Variants in TRAPPC10 observed in about 807,000 individuals in gnomAD.
TRAPPC10 encodes the protein trafficking protein particle complex subunit 10.
TRAPPC10 carries 23 observed loss-of-function variants against 125.5 expected under a neutral mutation model. That is an observed-to-expected ratio of 0.18 (90% CI 0.13 to 0.26). TRAPPC10 has a LOEUF of 0.26. TRAPPC10 is among the 10% of genes least tolerant of loss of function. TRAPPC10 has a pLI of 1.00. For synonymous variants in TRAPPC10, 509 were observed against 518.0 expected, an observed-to-expected ratio of 0.98 and a Z score of 0.24; for missense variants, 1,123 against 1,308.4, an observed-to-expected ratio of 0.86 and a Z score of 2.19.
intron 3 of TRAPPC10, among the ~76,000 whole-genome samples, chr21:44,042,332 A>G (rs140741622): frequency 2.0e-3 from 306 of 151,944 alleles, no homozygotes; most frequent in Admixed American, 4.2e-3. Flanking sequence ...CCATTGTTTT[A>G]TCATTATTTT....
intron 14 of TRAPPC10, 87 bp downstream of exon 14, chr21:44,083,389 T>C: frequency 7.0e-7 from 1 of 1,429,688 alleles, no homozygotes; most frequent in Non-Finnish European, 9.4e-7. Context: ...GTGCTGTGAA[T>C]TGAGTAGAGT....
At chr21:44,022,549 G>T (rs2032639627) in intron 1 of TRAPPC10, among the ~76,000 whole-genome samples, 1 of 147,112 alleles carries the variant, frequency 6.8e-6, no homozygotes, top group Non-Finnish European at 1.5e-5. Flanking sequence ...CCCGACCTCA[G>T]GTGATCCGCC....
intron 1 of TRAPPC10, among the ~76,000 whole-genome samples, chr21:44,023,837 G>A (rs2032803504): frequency 6.6e-6 from 1 of 152,170 alleles, no homozygotes; most frequent in African/African-American, 2.4e-5. Flanking sequence ...GTAGTGCAAT[G>A]GCACGATCTC....
chr21:44,041,185 C>T lies in TRAPPC10; in HGVS notation c.285+3258C>T, dbSNP rs564326691. Reference sequence around the variant, plus strand: ...TCTGAAGTCATTTATGTAGCACTGGCGCTACCTGGTCTCTAAGGTTTGGTG... The same window carrying T: ...TCTGAAGTCATTTATGTAGCACTGGTGCTACCTGGTCTCTAAGGTTTGGTG... On this transcript the variant is annotated intron_variant, in intron 3 of 22. Transcript: ENST00000291574. Among the ~76,000 whole-genome samples, 8 of 152,218 alleles carry T rather than the reference C, an allele frequency of 5.3e-5. No homozygotes were observed. In the East Asian group the frequency reaches 7.7e-4, roughly 15 times the overall value.
At position 44,020,372 on chromosome 21, in the gene TRAPPC10, C is replaced by T. The variant is rs146403078; in HGVS notation, c.67+7812C>T. The stretch of plus-strand genomic sequence containing the variant: ...CGATCTCCTGACCTTGTGATCTGCC[C>T]GCCTCGGCCTCTCAAAGTGCTGGAT... On this transcript the variant is annotated intron_variant, in intron 1 of 22. Coordinates refer to ENST00000291574, the MANE Select transcript of TRAPPC10 (RefSeq NM_003274.5). 8.7e-4 allele frequency among the ~76,000 whole-genome samples: 132 copies of T among 152,130 alleles called. 1 individual carries two copies. The East Asian group carries it at 0.017, about 20-fold the overall frequency.
intron 4 of TRAPPC10, 96 bp downstream of exon 4, chr21:44,052,572 T>G (rs550583341): frequency 8.4e-7 from 1 of 1,188,946 alleles, no homozygotes; most frequent in African/African-American, 1.5e-5. Context: ...CTCAGCAATC[T>G]CGAGTGAGTG....
intron 1 of TRAPPC10, among the ~76,000 whole-genome samples, chr21:44,023,025 C>CTTTTGTTTT: frequency 1.2e-5 from 1 of 80,234 alleles, no homozygotes; most frequent in African/African-American, 5.7e-5. Flanking sequence ...TTCCCTATGT[C>CTTTTGTTTT]TTTTTTTTTT....
At chr21:44,038,844 G>A (rs2034189502) in intron 3 of TRAPPC10, among the ~76,000 whole-genome samples, 1 of 152,176 alleles carries the variant, frequency 6.6e-6, no homozygotes, top group Admixed American at 6.5e-5. Flanking sequence ...TTTCTCTGCT[G>A]ACTTTGCTCC....
rs1254346667 is a variant in TRAPPC10, at chr21:44,059,527, TAGAATC to T, written c.790+317_790+322del. The T allele has an allele frequency of 2.7e-6, 2 of 748,018 alleles. No individual in the cohort carries two copies. Among genetic ancestry groups the T allele is most frequent in the African/African-American group, 1.7e-5 (1 of 58,426 alleles). The allele number at this position is 748,018 out of a possible 1,614,324, so 46.3% of individuals were successfully genotyped here. On this transcript the variant is annotated intron_variant, in intron 6 of 22. Coordinates refer to ENST00000291574, the MANE Select transcript of TRAPPC10 (RefSeq NM_003274.5). This position sits in a 1 kb window ranked among gnomAD's most constrained non-coding sequence, Gnocchi z 4.4. ...GTGATGCTTCGATTCTGTCCCTCGT[TAGAATC>T]AGAGTGGACGTCCCTTTGCCTTCCA...
chr21:44,026,768 T>C (rs2033113110), intron 1 of TRAPPC10, among the ~76,000 whole-genome samples: 1 of 152,228 alleles, frequency 6.6e-6, no homozygotes, highest in African/African-American at 2.4e-5. Context: ...GTCACTCCGC[T>C]GCTTTTAGTC....
intron 1 of TRAPPC10, among the ~76,000 whole-genome samples, chr21:44,021,051 A>G (rs1328523544): frequency 1.3e-5 from 2 of 152,354 alleles, no homozygotes; most frequent in Middle Eastern, 3.4e-3. Context: ...ATGTCACTTT[A>G]GCATTCTAAG....
At chr21:44,072,168 T>C (rs2036915347) in intron 7 of TRAPPC10, among the ~76,000 whole-genome samples, 1 of 152,268 alleles carries the variant, frequency 6.6e-6, no homozygotes, top group Admixed American at 6.5e-5. Flanking sequence ...CATGCAGTAA[T>C]TAATGCCACT....
chr21:44,021,874 C>T lies in TRAPPC10; in HGVS notation c.67+9314C>T, dbSNP rs148916922. 2.0e-5 allele frequency among the ~76,000 whole-genome samples: 3 copies of T among 152,254 alleles called. No individual in the cohort carries two copies. The East Asian group carries it at 5.8e-4, about 29-fold the overall frequency. ...CTGCAGTCTGTAACACAGGCCTCAC[C>T]AGAAACCTAATCTACTGACACCTTG... On this transcript the variant is annotated intron_variant, in intron 1 of 22. Transcript: ENST00000291574.
intron 1 of TRAPPC10, among the ~76,000 whole-genome samples, chr21:44,017,096 A>G (rs530976868): frequency 6.6e-6 from 1 of 152,372 alleles, no homozygotes; most frequent in African/African-American, 2.4e-5. Context: ...TTATAAATGC[A>G]GATTTTGTTT....
chr21:44,012,885 C>T (rs977480576), intron 1 of TRAPPC10, among the ~76,000 whole-genome samples: 6 of 151,988 alleles, frequency 3.9e-5, no homozygotes, highest in African/African-American at 1.4e-4. Context: ...CCGCCCCGTC[C>T]CGCCCCCGTT....
chr21:44,090,511 T>C (rs2038499805), intron 18 of TRAPPC10, among the ~76,000 whole-genome samples: 1 of 152,200 alleles, frequency 6.6e-6, no homozygotes, highest in South Asian at 2.1e-4. Flanking sequence ...CAGATGTCTG[T>C]AGACACTGCC....
intron 2 of TRAPPC10, among the ~76,000 whole-genome samples, chr21:44,037,500 C>A (rs1387212520): frequency 6.6e-6 from 1 of 152,156 alleles, no homozygotes; most frequent in Admixed American, 6.5e-5. Context: ...AACCCACCGT[C>A]GAGTCTGTAG....
At position 44,012,621 on chromosome 21, in the gene TRAPPC10, A is replaced by C. The variant is rs536896297; in HGVS notation, c.67+61A>C. The C allele has an allele frequency of 2.9e-4, 412 of 1,433,322 alleles. 3 individuals carry two copies. The South Asian group carries it at 4.3e-3, about 15-fold the overall frequency. The allele number at this position is 1,433,322 out of a possible 1,614,324, so 88.8% of individuals were successfully genotyped here. A position where few individuals can be genotyped will look rare whatever the true frequency, so the allele number is the denominator to read the frequency against. On this transcript the variant is annotated intron_variant, in intron 1 of 22. Transcript: ENST00000291574. ...TTGGGCGGGCCCGGGCCCTGGCGTTATGCACCCGGCGCCCCCAGACCTTCA... is the reference window on the plus strand; with the variant it reads ...TTGGGCGGGCCCGGGCCCTGGCGTTCTGCACCCGGCGCCCCCAGACCTTCA...
intron 1 of TRAPPC10, among the ~76,000 whole-genome samples, chr21:44,017,773 C>T (rs1450944966): frequency 6.6e-6 from 1 of 150,882 alleles, no homozygotes; most frequent in Admixed American, 6.6e-5. Context: ...GTGGTACTTG[C>T]TTTTTATCAG....
Sources: gnomAD v4.1 joint callset for allele counts (sites outside exome capture counted in the v4.1 genomes callset) on GRCh38, gnomAD v4.1.1 for gene constraint, Gnocchi (gnomAD v3.1) non-coding constraint, MANE v1.5 for transcripts, NCBI Gene and HGNC (gene_info 2026-07-23, HGNC 2026-07-21) for gene names.